Variants in TRIOBP observed in about 807,000 individuals in gnomAD.
TRIOBP encodes the protein TRIO and F-actin-binding protein.
TRIOBP carries 169 observed loss-of-function variants against 238.8 expected under a neutral mutation model. The ratio of observed to expected loss-of-function variants is 0.71; its 90% CI spans 0.62 to 0.80. The LOEUF (loss-of-function observed/expected upper bound fraction) is 0.80, where lower values mean the gene tolerates loss of function less well. Ranked by LOEUF, TRIOBP falls within the 30% of genes least tolerant of loss-of-function variation. The probability of loss-of-function intolerance (pLI) is 0.00; values close to 1 mark genes in which losing one functional copy is unlikely to be tolerated. For missense variants in TRIOBP, 2,838 were observed against 3,122.6 expected (o/e 0.91, Z 2.17); for synonymous variants, 1,150 against 1,274.4 (o/e 0.90, Z 2.08).
chr22:37,702,478 A>G (rs893926163), intron 3 of TRIOBP, among the ~76,000 whole-genome samples: 1 of 152,148 alleles, frequency 6.6e-6, no homozygotes, highest in Non-Finnish European at 1.5e-5. Flanking sequence ...TGTTGGGATT[A>G]CAGGCGTGAG....
At chr22:37,756,279 A>G (rs974286385) in intron 15 of TRIOBP, among the ~76,000 whole-genome samples, 1 of 152,068 alleles carries the variant, frequency 6.6e-6, no homozygotes, top group Admixed American at 6.6e-5. Flanking sequence ...TGGGCAATAT[A>G]GTGAGACCTC....
chr22:37,767,933 G>A (rs1690902360), intron 18 of TRIOBP, 141 bp from the exon 19 acceptor site: 1 of 740,064 alleles, frequency 1.4e-6, no homozygotes, highest in African/African-American at 1.7e-5. Flanking sequence ...GCACTCCTTG[G>A]TCCAAGTCCA....
chr22:37,743,453 G>A (rs1445547232), intron 11 of TRIOBP, among the ~76,000 whole-genome samples: 1 of 152,196 alleles, frequency 6.6e-6, no homozygotes, highest in Non-Finnish European at 1.5e-5. Flanking sequence ...TGCTGTCTCT[G>A]ACCTGCCAGG....
At chr22:37,710,134 C>T (rs773562342) in intron 3 of TRIOBP, among the ~76,000 whole-genome samples, 5 of 152,364 alleles carry the variant, frequency 3.3e-5, no homozygotes, top group South Asian at 4.1e-4. Context: ...CGCAAGAGCT[C>T]GCTCCACCTA....
intron 14 of TRIOBP, 151 bp downstream of exon 14, chr22:37,755,341 G>A: frequency 1.1e-6 from 1 of 946,928 alleles, no homozygotes; most frequent in Non-Finnish European, 1.6e-6. Context: ...GAGCTGTGAT[G>A]CCAACACTTA....
intron 18 of TRIOBP, among the ~76,000 whole-genome samples, chr22:37,767,350 G>A (rs570709734): frequency 6.8e-4 from 103 of 151,936 alleles, no homozygotes; most frequent in Non-Finnish European, 9.9e-4. Flanking sequence ...TCAATGTTCA[G>A]AAGTTTCGGA....
chr22:37,744,818 C>G (rs962679330), intron 11 of TRIOBP, among the ~76,000 whole-genome samples: 3 of 152,192 alleles, frequency 2.0e-5, no homozygotes, highest in Non-Finnish European at 2.9e-5. Context: ...CTTCAGCTCC[C>G]TGGGCCTCCA....
intron 6 of TRIOBP, among the ~76,000 whole-genome samples, chr22:37,719,810 C>T (rs567513695): frequency 6.6e-6 from 1 of 152,014 alleles, no homozygotes; most frequent in Admixed American, 6.6e-5. Context: ...TGGGCCCCTT[C>T]TGTCTTCTCC....
intron 15 of TRIOBP, among the ~76,000 whole-genome samples, chr22:37,756,777 C>CGTGG (rs1201791596): frequency 6.8e-6 from 1 of 147,744 alleles, no homozygotes; most frequent in African/African-American, 2.7e-5. Context: ...AGGGTGACCA[C>CGTGG]GTACCCAGCT....
chr22:37,751,436 T>C (rs1601653426), intron 11 of TRIOBP: 1 of 411,854 alleles, frequency 2.4e-6, no homozygotes, highest in Non-Finnish European at 4.6e-6. Context: ...AGGGGGTCTC[T>C]ATGCAGGCAG....
intron 4 of TRIOBP, among the ~76,000 whole-genome samples, chr22:37,711,702 G>A (rs553972710): frequency 6.6e-6 from 1 of 151,860 alleles, no homozygotes; most frequent in Non-Finnish European, 1.5e-5. Flanking sequence ...AAGTTGAATA[G>A]CTTTCCTGCA....
chr22:37,757,725 C>T lies in TRIOBP; in HGVS notation c.5800C>T (p.Arg1934Trp), dbSNP rs188129468. 7.0e-6 allele frequency: 11 copies of T among 1,575,600 alleles called. No homozygotes were observed. The highest frequency in any genetic ancestry group is 1.7e-4 in the Middle Eastern group (1 of 6,024). Reference sequence around the variant, plus strand: ...TGAGGTCATCAGCCGGGGTGGCCCTCGGAAGGCGGACGGGCAGCGTCAGGC... The same window carrying T: ...TGAGGTCATCAGCCGGGGTGGCCCTTGGAAGGCGGACGGGCAGCGTCAGGC... Reference protein sequence around the residue: ...GSEVISRGGPRKADGQRQALD... With the variant: ...GSEVISRGGPWKADGQRQALD... The change falls in exon 16 of 24, where the codon CGG (arginine) becomes TGG (tryptophan). Residue 1934 changes from arginine to tryptophan, a missense_variant. By Grantham distance (101) the Arg-to-Trp change is moderately radical. Transcript: ENST00000644935.
At chr22:37,756,818 T>A (rs1925950137) in intron 15 of TRIOBP, among the ~76,000 whole-genome samples, 2 of 151,950 alleles carry the variant, frequency 1.3e-5, no homozygotes, top group Non-Finnish European at 2.9e-5. Flanking sequence ...TTGCCATAGT[T>A]GTTCAGAGTC....
At chr22:37,710,263 TGA>T (rs1042056899) in intron 3 of TRIOBP, among the ~76,000 whole-genome samples, 162 bp from the exon 4 acceptor site, 3 of 152,198 alleles carry the variant, frequency 2.0e-5, no homozygotes, top group Non-Finnish European at 1.5e-5. Context: ...GCCCTCGGCT[TGA>T]GTCCCAAGGG....
intron 11 of TRIOBP, among the ~76,000 whole-genome samples, chr22:37,750,298 C>T (rs781471659): frequency 3.9e-5 from 6 of 152,232 alleles, no homozygotes; most frequent in Non-Finnish European, 7.3e-5. Flanking sequence ...GTGGTGCCAG[C>T]TCTGTGGGCC....
At chr22:37,765,158 G>T (rs1381856864) in intron 17 of TRIOBP, among the ~76,000 whole-genome samples, 1 of 152,230 alleles carries the variant, frequency 6.6e-6, no homozygotes, top group Non-Finnish European at 1.5e-5. Flanking sequence ...GTGGGCACCT[G>T]TAGTCCCAGC....
In TRIOBP at chr22:37,769,118, G is replaced by A; in HGVS notation, c.6666G>A (p.Gln2222=). ...TGGAGATTGGGGCACTCATGCGGCA[G>A]GCTGAGGAGCGCGAGCACACGCTGC... ...KCLEIGALMR[Q]AEEREHTLRR... The change falls in exon 20 of 24, where the codon CAG becomes CAA. Residue 2222 remains glutamine, a synonymous_variant. Transcript: ENST00000644935. The A allele has an allele frequency of 6.2e-7, 1 of 1,613,310 alleles. No homozygotes were observed. The highest frequency in any genetic ancestry group is 1.3e-5 in the African/African-American group (1 of 75,054).
At position 37,715,851 on chromosome 22, in the gene TRIOBP, C is replaced by G. The variant is rs760570250; in HGVS notation, c.545C>G (p.Pro182Arg). Reference sequence around the variant, plus strand: ...ATCCCGAGGAGGCCTCGGGAGGGGCCGAGAGCTGACAGCTCCCAAAGGGCT... The same window carrying G: ...ATCCCGAGGAGGCCTCGGGAGGGGCGGAGAGCTGACAGCTCCCAAAGGGCT... ...VMIPRRPREG[P>R]RADSSQRAPS... Residue 182 changes from proline to arginine, a missense_variant, in exon 6 of 24, where the codon CCG (proline) becomes CGG (arginine). Transcript: ENST00000644935. 25 of 1,613,878 alleles carry G rather than the reference C, an allele frequency of 1.5e-5. No individual in the cohort carries two copies. The highest frequency in any genetic ancestry group is 3.3e-5 in the Admixed American group (2 of 59,994).
chr22:37,697,732 C>T (rs1474458147), intron 2 of TRIOBP, 36 bp downstream of exon 2: 4 of 152,342 alleles, frequency 2.6e-5, no homozygotes, highest in African/African-American at 9.7e-5. Flanking sequence ...CTGGGGGCAC[C>T]AAAAGCTGCA....
Sources: gnomAD v4.1 joint callset for allele counts (sites outside exome capture counted in the v4.1 genomes callset) on GRCh38, gnomAD v4.1.1 for gene constraint, MANE v1.5 for transcripts, NCBI Gene and HGNC (gene_info 2026-07-23, HGNC 2026-07-21) for gene names.